The following FAT3 variants were observed in gnomAD, a reference collection of about 807,000 sequenced individuals.
The protein encoded by FAT3 is FAT atypical cadherin 3.
A neutral mutation model predicts 310.2 loss-of-function variants in FAT3; 95 were observed. The observed-to-expected ratio is 0.31, with a 90% CI of 0.26 to 0.36. The LOEUF (loss-of-function observed/expected upper bound fraction) is 0.36. Ranked by LOEUF, FAT3 falls within the 10% of genes least tolerant of loss-of-function variation. The pLI, the probability that FAT3 is intolerant of heterozygous loss-of-function variation, is 1.00. For synonymous variants in FAT3, 2,314 were observed against 2,192.9 expected (o/e 1.06, Z -1.54); for missense variants, 5,408 against 5,715.6 (o/e 0.95, Z 1.74).
intron 4 of FAT3, chr11:92,749,016 C>G (rs966943986): frequency 6.6e-6 from 1 of 152,192 alleles, no homozygotes; most frequent in African/African-American, 2.4e-5. Flanking sequence ...CAGCCTCAAC[C>G]TTTATAACAG....
intron 13 of FAT3, among the ~76,000 whole-genome samples, chr11:92,811,438 G>A (rs992270167): frequency 3.3e-5 from 5 of 152,172 alleles, no homozygotes; most frequent in African/African-American, 1.2e-4. Flanking sequence ...ACTGGACATG[G>A]ACGTCTGATT....
At chr11:92,757,141 C>T (rs1272305524) in intron 4 of FAT3, among the ~76,000 whole-genome samples, 1 of 152,014 alleles carries the variant, frequency 6.6e-6, no homozygotes, top group Non-Finnish European at 1.5e-5. Context: ...TCAGGCTGGT[C>T]TCGAACTCCC....
At chr11:92,545,873 C>G (rs899912601) in intron 3 of FAT3, among the ~76,000 whole-genome samples, 1 of 152,196 alleles carries the variant, frequency 6.6e-6, no homozygotes, top group Non-Finnish European at 1.5e-5. Context: ...ATGTAGTTGC[C>G]TAGCAAATAA....
intron 2 of FAT3, among the ~76,000 whole-genome samples, chr11:92,485,952 G>A (rs776504719): frequency 6.6e-6 from 1 of 151,990 alleles, no homozygotes; most frequent in Non-Finnish European, 1.5e-5. Context: ...TATTCTGCAT[G>A]CAGGAAATAG....
At chr11:92,777,768 C>A (rs1490512721) in intron 7 of FAT3, among the ~76,000 whole-genome samples, 1 of 152,092 alleles carries the variant, frequency 6.6e-6, no homozygotes, top group African/African-American at 2.4e-5. Context: ...CCAATACCTA[C>A]AACATGGCAG....
At chr11:92,856,257 G>A (rs535452578) in intron 19 of FAT3, among the ~76,000 whole-genome samples, 2 of 152,320 alleles carry the variant, frequency 1.3e-5, no homozygotes, top group South Asian at 2.1e-4. Context: ...TCAGTTCACG[G>A]GGAAAGGGCA....
rs537120157 is a variant in FAT3, at chr11:92,857,308, C to T, written c.11460C>T (p.Phe3820=). The T allele has an allele frequency of 1.2e-6, 2 of 1,613,970 alleles. No individual in the cohort carries two copies. Among genetic ancestry groups the T allele is most frequent in the Non-Finnish European group, 1.7e-6 (2 of 1,179,882 alleles). Residue 3820 remains phenylalanine, a synonymous_variant, in exon 20 of 28, where the codon TTC becomes TTT. Coordinates refer to ENST00000525166, the MANE Select transcript of FAT3 (RefSeq NM_001367949.2). ...CVSYEASRRP[F]LCQCPPGKLG... ...GTTATGAAGCCAGCAGGAGACCGTT[C>T]CTCTGCCAGTGTCCACCAGGGAAGC...
chr11:92,579,430 A>G (rs904908621), intron 3 of FAT3, among the ~76,000 whole-genome samples: 1 of 152,136 alleles, frequency 6.6e-6, no homozygotes, highest in African/African-American at 2.4e-5. Context: ...TGTACTATTG[A>G]TTAAATTTAT....
At chr11:92,409,244 CGT>C (rs1005447993) in intron 2 of FAT3, among the ~76,000 whole-genome samples, 14 of 148,902 alleles carry the variant, frequency 9.4e-5, no homozygotes, top group Admixed American at 2.0e-4. Context: ...ATGAAGCTTT[CGT>C]GTGTGTGTGT....
intron 14 of FAT3, among the ~76,000 whole-genome samples, chr11:92,832,340 A>C (rs1313898611): frequency 6.6e-6 from 1 of 152,112 alleles, no homozygotes; most frequent in Non-Finnish European, 1.5e-5. Flanking sequence ...TGTCCAAAAA[A>C]AATAATAATA....
chr11:92,539,949 CCTT>C (rs1341658631), intron 3 of FAT3, among the ~76,000 whole-genome samples: 2 of 152,146 alleles, frequency 1.3e-5, no homozygotes, highest in Admixed American at 6.5e-5. Context: ...TGCTTGGTGT[CCTT>C]CTGTCACTGT....
chr11:92,712,243 C>G (rs1484083249), intron 4 of FAT3, among the ~76,000 whole-genome samples: 1 of 152,102 alleles, frequency 6.6e-6, no homozygotes, highest in Non-Finnish European at 1.5e-5. Flanking sequence ...AGAGCAGCCC[C>G]TGTCTCCCGC....
intron 3 of FAT3, among the ~76,000 whole-genome samples, chr11:92,536,782 T>C (rs1322162467): frequency 6.6e-6 from 1 of 152,176 alleles, no homozygotes; most frequent in Non-Finnish European, 1.5e-5. Flanking sequence ...AAGTTGTGCC[T>C]GATAAGTGGA....
intron 4 of FAT3, among the ~76,000 whole-genome samples, chr11:92,733,732 GC>G (rs1173910116): frequency 2.0e-5 from 3 of 152,006 alleles, no homozygotes; most frequent in Non-Finnish European, 2.9e-5. Flanking sequence ...TGCAAGGGGG[GC>G]AAAAAAGTGA....
chr11:92,303,939 G>A (rs1287387033), intron 1 of FAT3, among the ~76,000 whole-genome samples: 4 of 152,048 alleles, frequency 2.6e-5, no homozygotes, highest in African/African-American at 7.2e-5. Context: ...TCGCAATTGT[G>A]TGGTTACAAA....
chr11:92,800,408 C>T lies in FAT3; in HGVS notation c.7395C>T (p.Tyr2465=). The part of the protein sequence containing the change: ...NHRKQRMEPL[Y]SLNVSVSDGL... ...GGAAGCAGCGGATGGAGCCTCTGTA[C>T]AGTCTCAATGTGTCTGTCTCTGATG... The change falls in exon 10 of 28, where the codon TAC becomes TAT. Residue 2465 remains tyrosine (Y), a synonymous_variant. Coordinates refer to ENST00000525166, the MANE Select transcript of FAT3 (RefSeq NM_001367949.2). 1 of 1,614,004 alleles carries T rather than the reference C, an allele frequency of 6.2e-7. No individual in the cohort carries two copies. The highest frequency in any genetic ancestry group is 1.3e-5 in the African/African-American group (1 of 75,050).
At position 92,505,417 on chromosome 11, in the gene FAT3, G is replaced by A. The variant is rs143192967; in HGVS notation, c.3293-19217G>A. On this transcript the variant is annotated intron_variant, in intron 2 of 27. Coordinates refer to ENST00000525166, the MANE Select transcript of FAT3 (RefSeq NM_001367949.2). The stretch of plus-strand genomic sequence containing the variant: ...TTCCCTGGTCTGAGAGTCTGGCTGT[G>A]CAGCAGATGCATTTTGGAGGAGCTG... Among the ~76,000 whole-genome samples, 122 of 152,222 alleles carry A rather than the reference G, an allele frequency of 8.0e-4. 1 individual carries two copies. The highest frequency in any genetic ancestry group is 2.6e-3 in the African/African-American group (109 of 41,558).
intron 3 of FAT3, among the ~76,000 whole-genome samples, chr11:92,673,666 A>G (rs973186605): frequency 6.6e-6 from 1 of 152,090 alleles, no homozygotes; most frequent in Non-Finnish European, 1.5e-5. Context: ...ATGCTATGTT[A>G]GTTTTTTATG....
At chr11:92,598,311 T>A (rs1939829350) in intron 3 of FAT3, among the ~76,000 whole-genome samples, 1 of 151,284 alleles carries the variant, frequency 6.6e-6, no homozygotes, top group Admixed American at 6.6e-5. Flanking sequence ...ATTTCAGCCT[T>A]GTATCCTGGG....
Sources: allele counts gnomAD v4.1 joint callset (sites outside exome capture counted in the v4.1 genomes callset), GRCh38; gene constraint gnomAD v4.1.1; transcripts MANE v1.5; gene names NCBI Gene and HGNC (gene_info 2026-07-23, HGNC 2026-07-21).